STIM2: variants seen among roughly 807,000 people sequenced by gnomAD.
STIM2 encodes stromal interaction molecule 2.
In STIM2, 31 loss-of-function variants were observed where a neutral mutation model predicts 85.8. The observed-to-expected ratio is 0.36, with a 90% CI of 0.27 to 0.49. The LOEUF is 0.49. Ranked by LOEUF, STIM2 falls within the 20% of genes least tolerant of loss-of-function variation. STIM2 has a pLI of 0.98. For synonymous variants in STIM2, 356 were observed against 331.1 expected (o/e 1.08, Z -0.82); for missense variants, 841 against 927.6 (o/e 0.91, Z 1.21).
In STIM2 at chr4:26,945,730, G is replaced by A. The variant is rs1725809082; in HGVS notation, c.283-11882G>A. 4.6e-5 allele frequency among the ~76,000 whole-genome samples: 7 copies of A among 152,136 alleles called. No homozygotes were observed. The South Asian group carries it at 1.5e-3, about 32-fold the overall frequency. ...GTTGAGCTTTTTTCATATGCTTGTT[G>A]GCTGTATGTATGTCGTATTTTGAGA... On this transcript the variant is annotated intron_variant, in intron 2 of 11. Transcript: ENST00000467087.
intron 11 of STIM2, among the ~76,000 whole-genome samples, chr4:27,018,860 A>T (rs1166190018): frequency 1.2e-4 from 18 of 152,226 alleles, no homozygotes; most frequent in Non-Finnish European, 1.2e-4. Flanking sequence ...ATTTGTTGTC[A>T]CTTAATGATT....
rs1180537223 is a variant in STIM2 at position 26,860,949 on chromosome 4, C to T, written c.-270C>T. On this transcript the variant is annotated 5_prime_UTR_variant, in exon 1 of 12. Coordinates refer to ENST00000467087, the MANE Select transcript of STIM2 (RefSeq NM_020860.4). ...CTTTTTTTTTTTTTTTTTTAAATAA[C>T]CGGAACCAATGAACGCAGCCGGGAT... 10 of 1,200,458 alleles carry T rather than the reference C, an allele frequency of 8.3e-6. No individual in the cohort carries two copies. The highest frequency in any genetic ancestry group is 1.0e-5 in the Non-Finnish European group (10 of 954,086). The allele number at this position is 1,200,458 out of a possible 1,614,324, so 74.4% of individuals were successfully genotyped here.
At chr4:26,885,406 C>T (rs1384074941) in intron 1 of STIM2, among the ~76,000 whole-genome samples, 1 of 152,078 alleles carries the variant, frequency 6.6e-6, no homozygotes, top group African/African-American at 2.4e-5. Flanking sequence ...AACCACTGTC[C>T]TTACTTTAAT....
chr4:26,979,905 T>C (rs908986410), intron 3 of STIM2, among the ~76,000 whole-genome samples: 9 of 152,180 alleles, frequency 5.9e-5, no homozygotes, highest in Non-Finnish European at 1.2e-4. Context: ...TTTGATGTTA[T>C]TATGAACATT....
intron 1 of STIM2, among the ~76,000 whole-genome samples, chr4:26,862,590 G>A (rs1469533170): frequency 5.9e-5 from 9 of 152,160 alleles, no homozygotes; most frequent in Admixed American, 5.9e-4. Context: ...AACTTTAAAA[G>A]CTTTGGAGGA....
At chr4:26,929,118 T>C (rs1336307842) in intron 2 of STIM2, among the ~76,000 whole-genome samples, 1 of 152,184 alleles carries the variant, frequency 6.6e-6, no homozygotes, top group Non-Finnish European at 1.5e-5. Flanking sequence ...AATATCTAAT[T>C]TGAAAATATT....
chr4:26,963,403 A>C (rs1039699212), intron 3 of STIM2, among the ~76,000 whole-genome samples: 1 of 152,156 alleles, frequency 6.6e-6, no homozygotes. Flanking sequence ...AAAAACTGTA[A>C]ATAGAAAAGT....
intron 8 of STIM2, chr4:27,008,126 A>G (rs752435281): frequency 3.2e-5 from 20 of 630,452 alleles, no homozygotes; most frequent in Non-Finnish European, 4.8e-5. Flanking sequence ...CCATTGTAGT[A>G]TAATATAGCT....
intron 1 of STIM2, among the ~76,000 whole-genome samples, chr4:26,914,438 G>A (rs1348292666): frequency 1.3e-5 from 2 of 152,164 alleles, no homozygotes; most frequent in Non-Finnish European, 2.9e-5. Context: ...TCTCTTTGAA[G>A]CCTTTCTTGC....
chr4:26,885,845 A>ATG (rs1560194583), intron 1 of STIM2, among the ~76,000 whole-genome samples: 13 of 39,488 alleles, frequency 3.3e-4, no homozygotes, highest in East Asian at 1.0e-3. Flanking sequence ...ATATATATAT[A>ATG]TATATATATA....
intron 1 of STIM2, among the ~76,000 whole-genome samples, chr4:26,896,390 A>G (rs1255454858): frequency 2.0e-5 from 3 of 152,230 alleles, no homozygotes; most frequent in Non-Finnish European, 4.4e-5. Flanking sequence ...TAATCCCATC[A>G]TATTCACAAG....
At chr4:26,873,793 G>T in intron 1 of STIM2, 1 of 855,084 alleles carries the variant, frequency 1.2e-6, no homozygotes, top group Non-Finnish European at 2.0e-6. Flanking sequence ...CTCTGTCAAG[G>T]GGTAAGGGGC....
chr4:26,892,376 G>A lies in STIM2; in HGVS notation c.152-27128G>A, dbSNP rs150108316. ...TGCGGCCATCTTTTTGTATCTTCAT[G>A]TGGTGGACAGCAGAGAGAGCGAGTG... is the stretch of plus-strand genomic sequence containing the variant. On this transcript the variant is annotated intron_variant, in intron 1 of 11. Coordinates refer to ENST00000467087, the MANE Select transcript of STIM2 (RefSeq NM_020860.4). 7.5e-4 allele frequency among the ~76,000 whole-genome samples: 114 copies of A among 152,290 alleles called. No individual in the cohort carries two copies. In the East Asian group the frequency reaches 0.015, roughly 21 times the overall value.
chr4:26,871,822 G>A lies in STIM2; in HGVS notation c.151+10453G>A, dbSNP rs1184916936. On this transcript the variant is annotated intron_variant, in intron 1 of 11. Coordinates refer to ENST00000467087, the MANE Select transcript of STIM2 (RefSeq NM_020860.4). ...GCCCCGCAAAGTAATTAGATTATGA[G>A]TGTGAGCTGCCATGCCTGGCCTGTT... 2.0e-5 allele frequency among the ~76,000 whole-genome samples: 3 copies of A among 151,464 alleles called. No individual in the cohort carries two copies. In the East Asian group the frequency reaches 5.8e-4, roughly 29 times the overall value.
At chr4:26,995,315 A>G (rs1180845819) in intron 3 of STIM2, 64 bp from the exon 4 acceptor site, 3 of 836,310 alleles carry the variant, frequency 3.6e-6, no homozygotes, top group South Asian at 2.1e-5. Context: ...CTCTGAAATT[A>G]TAGAATATGT....
At chr4:26,944,031 T>TTA (rs985949984) in intron 2 of STIM2, among the ~76,000 whole-genome samples, 8 of 152,300 alleles carry the variant, frequency 5.3e-5, no homozygotes, top group Non-Finnish European at 8.8e-5. Context: ...AACTGTATGG[T>TTA]TATACCACTA....
At chr4:26,888,458 C>G (rs1243696503) in intron 1 of STIM2, among the ~76,000 whole-genome samples, 2 of 152,126 alleles carry the variant, frequency 1.3e-5, no homozygotes, top group African/African-American at 4.8e-5. Flanking sequence ...GATTAAAGAG[C>G]AAGAAAACAA....
Position 26,861,135 on chromosome 4 carries a change from C to T in STIM2, c.-84C>T. ...GGCCGGGGCGCCGCTGCGCTTTCAC[C>T]CGGCTTCTCCTCGGCGCCTTCATCC... On this transcript the variant is annotated 5_prime_UTR_variant, in exon 1 of 12. Transcript: ENST00000467087. 1 of 1,261,964 alleles carries T rather than the reference C, an allele frequency of 7.9e-7. No individual in the cohort carries two copies. The highest frequency in any genetic ancestry group is 3.3e-5 in the East Asian group (1 of 29,978). 78.2% of individuals were successfully genotyped at this position (1,261,964 alleles called of 1,614,324 possible).
chr4:27,005,580 A>G (rs1378352334), intron 7 of STIM2, among the ~76,000 whole-genome samples: 2 of 152,124 alleles, frequency 1.3e-5, no homozygotes, highest in African/African-American at 2.4e-5. Context: ...TTATTACTCA[A>G]TTTTTTCTGT....
Sources: allele counts gnomAD v4.1 joint callset (sites outside exome capture counted in the v4.1 genomes callset), GRCh38; gene constraint gnomAD v4.1.1; transcripts MANE v1.5; gene names NCBI Gene and HGNC (gene_info 2026-07-23, HGNC 2026-07-21).